The following PRH1 variants were observed in gnomAD, a reference collection of about 807,000 sequenced individuals.
PRH1 encodes the protein proline rich protein HaeIII subfamily 1, also known as salivary acidic proline-rich phosphoprotein 1/2.
In PRH1, 7 loss-of-function variants were observed where a neutral mutation model predicts 7.9. The observed-to-expected ratio is 0.89, with a 90% CI of 0.50 to 1.67. PRH1 has a LOEUF of 1.67. Ranked by LOEUF, PRH1 falls within the 40% of genes most tolerant of loss-of-function variation. The pLI is 0.00. For missense variants in PRH1, 109 were observed against 223.6 expected (o/e 0.49, Z 3.27); for synonymous variants, 45 against 80.8 (o/e 0.56, Z 2.38).
chr12:11,072,919 A>G (rs1312605310), intron 1 of PRH1, among the ~76,000 whole-genome samples: 1 of 151,866 alleles, frequency 6.6e-6, no homozygotes, highest in Non-Finnish European at 1.5e-5. Context: ...CATTTTGCAA[A>G]ACATCATGTT....
At chr12:11,105,041 A>T (rs1394530161) in intron 1 of PRH1, among the ~76,000 whole-genome samples, 1 of 151,742 alleles carries the variant, frequency 6.6e-6, no homozygotes, top group African/African-American at 2.4e-5. Flanking sequence ...TTTTTCTTCA[A>T]ATTTCAAATA....
Position 11,150,515 on chromosome 12 carries a change from C to T in PRH1, n.39+20907G>A, listed in dbSNP as rs61928561. Among the ~76,000 whole-genome samples, 4 of 152,086 alleles carry T rather than the reference C, an allele frequency of 2.6e-5. No individual in the cohort carries two copies. In the East Asian group the frequency reaches 5.8e-4, roughly 22 times the overall value. ...ATAAAAAATGATGAGTTCATGTCCT[C>T]TGTAGGGACATGGATGAAATTGGAA... is the stretch of plus-strand genomic sequence containing the variant. On this transcript the variant is annotated intron_variant and non_coding_transcript_variant, in intron 1 of 1. Coordinates refer to the PRH1 transcript ENST00000541175.
At chr12:10,990,292 T>C (rs990042089) in intron 1 of PRH1, among the ~76,000 whole-genome samples, 2 of 152,180 alleles carry the variant, frequency 1.3e-5, no homozygotes, top group African/African-American at 4.8e-5. Context: ...TAGATGCCTA[T>C]TTATCACCAT....
chr12:11,044,007 A>G (rs1942816863), intron 1 of PRH1, among the ~76,000 whole-genome samples: 1 of 152,190 alleles, frequency 6.6e-6, no homozygotes, highest in African/African-American at 2.4e-5. Flanking sequence ...AAAAAGAACA[A>G]AAGTGGAGGA....
chr12:10,926,139 T>A (rs541791588), intron 2 of PRH1, among the ~76,000 whole-genome samples: 20 of 152,312 alleles, frequency 1.3e-4, no homozygotes, highest in African/African-American at 4.6e-4. Context: ...AAACCAAAGT[T>A]TTTAGACAAG....
chr12:11,134,065 C>T (rs773142153), intron 1 of PRH1: 134 of 1,613,908 alleles, frequency 8.3e-5, no homozygotes, highest in Non-Finnish European at 1.1e-4. Context: ...GTAATAACAC[C>T]CAGAGCAAAC....
chr12:11,163,302 A>G (rs1300191410), intron 1 of PRH1, among the ~76,000 whole-genome samples: 2 of 152,206 alleles, frequency 1.3e-5, no homozygotes, highest in Non-Finnish European at 2.9e-5. Context: ...TACCCCTGGT[A>G]CCATGAACAT....
chr12:10,958,789 G>A (rs1036492534), intron 2 of PRH1, among the ~76,000 whole-genome samples: 2 of 152,148 alleles, frequency 1.3e-5, no homozygotes, highest in Non-Finnish European at 2.9e-5. Context: ...GGATGAGCCA[G>A]GTGTTTTAGG....
chr12:11,049,592 G>C (rs931673169), upstream of PRH1, among the ~76,000 whole-genome samples: 1 of 151,944 alleles, frequency 6.6e-6, no homozygotes, highest in African/African-American at 2.4e-5. Flanking sequence ...GCAAATAAAG[G>C]CATTTTTTTA....
intron 1 of PRH1, among the ~76,000 whole-genome samples, chr12:11,005,107 T>G (rs1310602523): frequency 6.6e-6 from 1 of 152,146 alleles, no homozygotes; most frequent in East Asian, 1.9e-4. Flanking sequence ...CTCTGACCAG[T>G]GTCAAACAGG....
chr12:11,133,599 A>G, intron 1 of PRH1: 1 of 1,614,266 alleles, frequency 6.2e-7, no homozygotes, highest in South Asian at 1.1e-5. Context: ...GGATCTTGAG[A>G]TCCTTTGCCA....
At chr12:10,995,414 TAC>T (rs1195060173) in intron 1 of PRH1, among the ~76,000 whole-genome samples, 14 of 152,166 alleles carry the variant, frequency 9.2e-5, no homozygotes, top group African/African-American at 3.4e-4. Flanking sequence ...CAGAAATTAA[TAC>T]AGTCACACAG....
intron 2 of PRH1, among the ~76,000 whole-genome samples, chr12:10,956,602 C>G (rs1276120471): frequency 6.6e-6 from 1 of 152,056 alleles, no homozygotes; most frequent in East Asian, 1.9e-4. Context: ...TAAAAGGCAT[C>G]CCAATAGAAG....
rs190223303 is a variant in PRH1, at chr12:10,950,495, T to C, written c.-59+23160A>G. ...CTGTAGTTTAAAAATTACATATTAC[T>C]CTTTTTTCATTCTACGACTCTGATT... is the stretch of plus-strand genomic sequence containing the variant. On this transcript the variant is annotated intron_variant, in intron 2 of 3. Transcript: ENST00000539853. 2.0e-3 allele frequency among the ~76,000 whole-genome samples: 306 copies of C among 151,956 alleles called. 3 individuals carry two copies. The South Asian group carries it at 0.021, about 11-fold the overall frequency.
intron 1 of PRH1, among the ~76,000 whole-genome samples, chr12:10,981,911 T>C (rs1298727799): frequency 1.3e-5 from 2 of 151,408 alleles, no homozygotes; most frequent in African/African-American, 2.4e-5. Flanking sequence ...CCAAGGCTGA[T>C]CTGAAACTCT....
At chr12:10,993,384 C>A (rs1205671470) in intron 1 of PRH1, among the ~76,000 whole-genome samples, 1 of 152,088 alleles carries the variant, frequency 6.6e-6, no homozygotes, top group Non-Finnish European at 1.5e-5. Flanking sequence ...ATTGCATTAA[C>A]TGTTACCCAT....
intron 1 of PRH1, among the ~76,000 whole-genome samples, chr12:11,063,764 CTAGAAGAAATCCATTGGAAAGTT>C (rs1943703690): frequency 6.6e-6 from 1 of 151,986 alleles, no homozygotes; most frequent in Non-Finnish European, 1.5e-5. Context: ...ATAATTAAGG[CTAGAAGAAATCCATTGGAAAGTT>C]CTGGGGTTGG....
intron 2 of PRH1, among the ~76,000 whole-genome samples, chr12:10,911,776 T>C (rs1392667124): frequency 6.6e-6 from 1 of 152,182 alleles, no homozygotes; most frequent in Non-Finnish European, 1.5e-5. Flanking sequence ...ATATAGAACA[T>C]TTAATGAAGT....
chr12:11,152,783 T>C (rs957046293), intron 1 of PRH1, among the ~76,000 whole-genome samples: 31 of 152,338 alleles, frequency 2.0e-4, no homozygotes, highest in African/African-American at 7.2e-4. Flanking sequence ...AGAATGTATA[T>C]GAGCAGAGAT....
Sources: allele counts gnomAD v4.1 joint callset (sites outside exome capture counted in the v4.1 genomes callset), GRCh38; gene constraint gnomAD v4.1.1; transcripts MANE v1.5; gene names NCBI Gene and HGNC (gene_info 2026-07-23, HGNC 2026-07-21).